The following RBFOX1 variants were observed in gnomAD, a reference collection of about 807,000 sequenced individuals.
RBFOX1 encodes RNA binding fox-1 homolog 1.
RBFOX1 carries 8 observed loss-of-function variants against 57.7 expected under a neutral mutation model. That is an observed-to-expected ratio of 0.14 (90% CI 0.08 to 0.25). The LOEUF (loss-of-function observed/expected upper bound fraction) is 0.25, where lower values mean the gene tolerates loss of function less well. Ranked by LOEUF, RBFOX1 falls within the 10% of genes least tolerant of loss-of-function variation. RBFOX1 has a pLI of 1.00. For synonymous variants in RBFOX1, 326 were observed against 222.4 expected, an observed-to-expected ratio of 1.47 and a Z score of -4.15; for missense variants, 611 against 548.5, an observed-to-expected ratio of 1.11 and a Z score of -1.14.
chr16:6,553,715 A>G (rs971991482), intron 2 of RBFOX1, among the ~76,000 whole-genome samples: 1 of 152,136 alleles, frequency 6.6e-6, no homozygotes, highest in African/African-American at 2.4e-5. Context: ...GAATGGTTGG[A>G]AGAATGGAGG....
intron 1 of RBFOX1, among the ~76,000 whole-genome samples, chr16:6,084,681 C>G (rs2096060005): frequency 6.6e-6 from 1 of 152,264 alleles, no homozygotes; most frequent in South Asian, 2.1e-4. Flanking sequence ...TTCTATGATG[C>G]TCTATCGGGA....
intron 2 of RBFOX1, among the ~76,000 whole-genome samples, chr16:6,342,768 C>T (rs918355293): frequency 6.6e-6 from 1 of 152,056 alleles, no homozygotes; most frequent in South Asian, 2.1e-4. Context: ...GAGATAGGAA[C>T]CTTATCAAGG....
At chr16:6,770,897 T>C (rs6500823) in intron 3 of RBFOX1, among the ~76,000 whole-genome samples, 23,412 of 152,108 alleles carry the variant, frequency 0.15, 2,970 homozygotes, top group African/African-American at 0.35. Flanking sequence ...TGACACAAAA[T>C]GATGTGCTTG....
At position 7,649,887 on chromosome 16, in the gene RBFOX1, A is replaced by G. The variant is rs2064591138; in HGVS notation, c.758-3928A>G. On this transcript the variant is annotated intron_variant, in intron 11 of 15. Coordinates refer to ENST00000550418, the MANE Select transcript of RBFOX1 (RefSeq NM_018723.4). ...AACAGGGCAGCCCTCTTTAGAAAAA[A>G]AATTCCAAAGTGACTGAAAGGAAGG... Among the ~76,000 whole-genome samples the G allele has an allele frequency of 3.9e-5, 6 of 152,136 alleles. No individual in the cohort carries two copies. The South Asian group carries it at 1.2e-3, about 31-fold the overall frequency.
chr16:5,703,121 T>C (rs1202031340), intron 3 of RBFOX1, among the ~76,000 whole-genome samples: 1 of 152,190 alleles, frequency 6.6e-6, no homozygotes, highest in East Asian at 1.9e-4. Context: ...ACATGGCATT[T>C]ACAGTCTAAG....
At chr16:6,085,984 C>T (rs1294665572) in intron 1 of RBFOX1, among the ~76,000 whole-genome samples, 3 of 152,074 alleles carry the variant, frequency 2.0e-5, no homozygotes, top group Non-Finnish European at 4.4e-5. Context: ...TTCCCCCAGC[C>T]CCCTACAGAC....
At chr16:6,757,178 C>G (rs1028493359) in intron 3 of RBFOX1, among the ~76,000 whole-genome samples, 1 of 152,074 alleles carries the variant, frequency 6.6e-6, no homozygotes, top group Admixed American at 6.5e-5. Context: ...GAAAAGGGAA[C>G]TTTTATGCAC....
rs1201536256 is a variant in RBFOX1 at position 6,454,885 on chromosome 16, T to G, written c.-64+137828T>G. On this transcript the variant is annotated intron_variant, in intron 2 of 15. Transcript: ENST00000550418. ...GTTTTTTTTTTTTTTTTTTTTTTTTTTTTTTTTTTTTTTTTTGAGTTGGCG... is the reference window on the plus strand; with the variant it reads ...GTTTTTTTTTTTTTTTTTTTTTTTTGTTTTTTTTTTTTTTTTGAGTTGGCG... Among the ~76,000 whole-genome samples the G allele has an allele frequency of 1.9e-3, 247 of 128,642 alleles. 29 individuals are homozygous for G. The highest frequency in any genetic ancestry group is 0.012 in the Middle Eastern group (3 of 252). 84.4% of individuals were successfully genotyped at this position (128,642 alleles called of 152,430 possible). A position where few individuals can be genotyped will look rare whatever the true frequency, so the allele number is the denominator to read the frequency against.
chr16:7,248,133 G>A (rs893184110), intron 4 of RBFOX1, among the ~76,000 whole-genome samples: 1 of 152,230 alleles, frequency 6.6e-6, no homozygotes, highest in African/African-American at 2.4e-5. Context: ...AAAGACTTCA[G>A]AGGGAGATGG....
intron 2 of RBFOX1, among the ~76,000 whole-genome samples, chr16:6,590,334 A>C (rs1326513224): frequency 6.6e-6 from 1 of 152,182 alleles, no homozygotes; most frequent in African/African-American, 2.4e-5. Context: ...ATTTGCCTGT[A>C]GGTGTCATTC....
intron 4 of RBFOX1, among the ~76,000 whole-genome samples, chr16:6,009,225 G>T (rs2094945670): frequency 6.6e-6 from 1 of 151,218 alleles, no homozygotes; most frequent in African/African-American, 2.4e-5. Context: ...CTCTAAAAAA[G>T]ACCTACCAAA....
intron 2 of RBFOX1, among the ~76,000 whole-genome samples, chr16:5,567,554 T>G (rs1282470233): frequency 7.2e-6 from 1 of 139,526 alleles, no homozygotes; most frequent in Non-Finnish European, 1.5e-5. Context: ...GGCTTTACAT[T>G]AGAAACAGGG....
intron 4 of RBFOX1, among the ~76,000 whole-genome samples, chr16:7,261,422 T>C (rs1401010633): frequency 6.6e-6 from 1 of 152,156 alleles, no homozygotes; most frequent in African/African-American, 2.4e-5. Flanking sequence ...CCAGCCTCTA[T>C]TTGGTGCCTA....
chr16:7,271,163 C>G (rs113494208), intron 4 of RBFOX1, among the ~76,000 whole-genome samples: 82 of 152,312 alleles, frequency 5.4e-4, no homozygotes, highest in African/African-American at 2.0e-3. Flanking sequence ...CGTCCATATT[C>G]TTAGTGTCCT....
chr16:6,533,986 TAC>T (rs1359285054), intron 2 of RBFOX1, among the ~76,000 whole-genome samples: 1 of 152,088 alleles, frequency 6.6e-6, no homozygotes, highest in African/African-American at 2.4e-5. Flanking sequence ...TGTGTATATA[TAC>T]ACACACACAT....
chr16:6,250,092 C>T (rs1193463147), intron 1 of RBFOX1, among the ~76,000 whole-genome samples: 1 of 152,126 alleles, frequency 6.6e-6, no homozygotes, highest in Admixed American at 6.5e-5. Flanking sequence ...CAGCCCCTTG[C>T]AGATAAGGCA....
At chr16:7,355,474 C>A (rs945764026) in intron 4 of RBFOX1, among the ~76,000 whole-genome samples, 2 of 152,112 alleles carry the variant, frequency 1.3e-5, no homozygotes, top group Non-Finnish European at 2.9e-5. Flanking sequence ...CGAAACCCTC[C>A]CATACTTTTC....
At chr16:5,635,805 G>GT (rs34939003) in intron 3 of RBFOX1, among the ~76,000 whole-genome samples, 53,567 of 151,772 alleles carry the variant, frequency 0.35, 12,831 homozygotes, top group African/African-American at 0.68. Flanking sequence ...GTAGCACTGG[G>GT]TTTTTTTTGG....
At chr16:7,671,852 G>C (rs1190565096) in intron 13 of RBFOX1, among the ~76,000 whole-genome samples, 1 of 152,214 alleles carries the variant, frequency 6.6e-6, no homozygotes, top group Non-Finnish European at 1.5e-5. Flanking sequence ...ACTGAGTGCT[G>C]TTAGCTGGCC....
Sources: gnomAD v4.1 joint callset for allele counts (sites outside exome capture counted in the v4.1 genomes callset) on GRCh38, gnomAD v4.1.1 for gene constraint, MANE v1.5 for transcripts, NCBI Gene and HGNC (gene_info 2026-07-23, HGNC 2026-07-21) for gene names.